Variants in FIRRM observed in about 807,000 individuals in gnomAD.
FIRRM encodes the protein FIGNL1-interacting regulator of recombination and mitosis.
chr1:169,820,918 G>A, the FIRRM span, among the ~76,000 whole-genome samples: 2 of 152,166 alleles, frequency 1.3e-5, no homozygotes, highest in African/African-American at 4.8e-5. Context: ...TATGAAGAAA[G>A]TAAAGGAATA....
the FIRRM span, among the ~76,000 whole-genome samples, chr1:169,788,134 T>A: frequency 6.6e-6 from 1 of 152,236 alleles, no homozygotes; most frequent in Non-Finnish European, 1.5e-5. Flanking sequence ...TGGGGTTTCA[T>A]GAGACTAAGT....
At chr1:169,829,707 TA>T in the FIRRM span, among the ~76,000 whole-genome samples, 53 of 152,242 alleles carry the variant, frequency 3.5e-4, no homozygotes, top group African/African-American at 1.3e-3. Flanking sequence ...ATGTAGTACT[TA>T]AGTAAGTTTC....
At chr1:169,831,324 T>G in the FIRRM span, among the ~76,000 whole-genome samples, 1 of 152,238 alleles carries the variant, frequency 6.6e-6, no homozygotes, top group South Asian at 2.1e-4. Flanking sequence ...ATAAGATGAT[T>G]ATGACCTATT....
the FIRRM span, chr1:169,795,928 T>G: frequency 1.7e-4 from 170 of 985,498 alleles, no homozygotes; most frequent in African/African-American, 2.7e-3. Context: ...AGCACATTCT[T>G]GATTGGTCTC....
the FIRRM span, among the ~76,000 whole-genome samples, chr1:169,842,783 G>GTTATACCC: frequency 6.6e-6 from 1 of 152,044 alleles, no homozygotes; most frequent in Non-Finnish European, 1.5e-5. Context: ...TTCCTAACTG[G>GTTATACCC]TTATACCCTT....
chr1:169,833,995 C>T, the FIRRM span, among the ~76,000 whole-genome samples: 2 of 151,612 alleles, frequency 1.3e-5, no homozygotes, highest in Non-Finnish European at 2.9e-5. Context: ...TCAGCTGTCA[C>T]TTTCCTTTTA....
the FIRRM span, among the ~76,000 whole-genome samples, chr1:169,810,271 A>G: frequency 1.3e-5 from 2 of 152,222 alleles, no homozygotes; most frequent in Non-Finnish European, 2.9e-5. Context: ...AAATAAAACC[A>G]GTAGATTTAA....
chr1:169,830,370 G>A, the FIRRM span: 1 of 1,581,474 alleles, frequency 6.3e-7, no homozygotes, highest in Non-Finnish European at 8.7e-7. Context: ...TTTGTTCTTT[G>A]GATTGGTTAT....
chr1:169,793,903 A>AAT, the FIRRM span: 15 of 422,196 alleles, frequency 3.6e-5, no homozygotes, highest in East Asian at 7.3e-5. Context: ...CAGCTCTGGA[A>AAT]AGAAAAAAAA....
At chr1:169,803,114 C>T in the FIRRM span, 2 of 1,547,106 alleles carry the variant, frequency 1.3e-6, no homozygotes, top group Non-Finnish European at 1.8e-6. Context: ...CTGACTAATA[C>T]CTTTTCAGTG....
At chr1:169,842,381 T>C in the FIRRM span, 1 of 1,597,666 alleles carries the variant, frequency 6.3e-7, no homozygotes, top group African/African-American at 1.3e-5. Context: ...TAGACTGGTG[T>C]TTAAACTCAA....
the FIRRM span, chr1:169,853,831 AC>A: frequency 1.3e-6 from 2 of 1,586,496 alleles, no homozygotes; most frequent in African/African-American, 1.4e-5. Context: ...CAAAAATCAT[AC>A]GCAAATTTGA....
the FIRRM span, among the ~76,000 whole-genome samples, chr1:169,818,273 T>C: frequency 6.6e-6 from 1 of 152,198 alleles, no homozygotes; most frequent in Admixed American, 6.5e-5. Context: ...AGAACAGAAG[T>C]GTAGGTAAGG....
chr1:169,816,191 G>C, the FIRRM span, among the ~76,000 whole-genome samples: 1 of 98,814 alleles, frequency 1.0e-5, no homozygotes, highest in Non-Finnish European at 2.0e-5. Flanking sequence ...TAAATAAGAA[G>C]GCTTTCCATG....
the FIRRM span, chr1:169,792,446 T>G: frequency 1.2e-6 from 1 of 834,538 alleles, no homozygotes; most frequent in Non-Finnish European, 1.8e-6. Context: ...CATAGCTCAC[T>G]TACAATTTGG....
the FIRRM span, chr1:169,792,882 C>G: frequency 1.9e-6 from 3 of 1,614,156 alleles, no homozygotes; most frequent in Non-Finnish European, 2.5e-6. Context: ...TTACAAAACT[C>G]AGACCACTCA....
At chr1:169,830,678 T>C in the FIRRM span, 1 of 1,610,602 alleles carries the variant, frequency 6.2e-7, no homozygotes, top group Non-Finnish European at 8.5e-7. Flanking sequence ...CATAGTTGTC[T>C]TCTCTTTTAT....
the FIRRM span, chr1:169,853,037 C>T: frequency 6.4e-7 from 1 of 1,562,694 alleles, no homozygotes; most frequent in Non-Finnish European, 8.8e-7. Flanking sequence ...ACTGAAAATA[C>T]TTATGTCTGT....
chr1:169,806,096 T>A, the FIRRM span: 1 of 1,538,630 alleles, frequency 6.5e-7, no homozygotes, highest in Non-Finnish European at 8.9e-7. Flanking sequence ...TAAGTAAGTT[T>A]GTTTGTTATT....
Sources: gnomAD v4.1 joint callset for allele counts (sites outside exome capture counted in the v4.1 genomes callset) on GRCh38, gnomAD v4.1.1 for gene constraint, MANE v1.5 for transcripts, NCBI Gene and HGNC (gene_info 2026-07-23, HGNC 2026-07-21) for gene names.